ARHGAP23: variants seen among roughly 807,000 people sequenced by gnomAD.
ARHGAP23 encodes Rho GTPase activating protein 23, also known as rho GTPase-activating protein 23.
A neutral mutation model predicts 136.3 loss-of-function variants in ARHGAP23; 34 were observed. The ratio of observed to expected loss-of-function variants is 0.25; its 90% confidence interval spans 0.19 to 0.33. The LOEUF is 0.33. ARHGAP23 is among the 10% of genes least tolerant of loss of function. ARHGAP23 has a pLI of 1.00. For missense variants in ARHGAP23, 1,808 were observed against 2,139.0 expected, an observed-to-expected ratio of 0.85 and a Z score of 3.05; for synonymous variants, 832 against 920.5, an observed-to-expected ratio of 0.90 and a Z score of 1.74.
At chr17:38,478,042 A>G (rs7219798) in intron 12 of ARHGAP23, 146 bp downstream of exon 12, 1 of 909,602 alleles carries the variant, frequency 1.1e-6, no homozygotes, top group Non-Finnish European at 1.7e-6. Flanking sequence ...TGTGTCCCCC[A>G]AGGTTTCGGG....
At chr17:38,499,663 C>T (rs1375665792) in intron 22 of ARHGAP23, among the ~76,000 whole-genome samples, 6 of 152,148 alleles carry the variant, frequency 3.9e-5, no homozygotes, top group Non-Finnish European at 5.9e-5. Flanking sequence ...TCTAATCACC[C>T]GCCGCCCCCC....
chr17:38,443,430 G>A (rs2038962169), intron 1 of ARHGAP23, among the ~76,000 whole-genome samples: 2 of 152,208 alleles, frequency 1.3e-5, no homozygotes, highest in Admixed American at 1.3e-4. Flanking sequence ...CAGGCAAACT[G>A]GCAGGGGGAG....
chr17:38,510,756 C>G lies in ARHGAP23; in HGVS notation c.4260C>G (p.Asn1420Lys). Residue 1420 changes from asparagine (N) to lysine (K), a missense_variant, in exon 24 of 24, where the codon AAC becomes AAG. Physicochemically the swap from Asn to Lys is moderately conservative, Grantham distance 94. Coordinates refer to ENST00000622683, the MANE Select transcript of ARHGAP23 (RefSeq NM_001199417.2). The surrounding 1 kb of genome is among the most constrained non-coding windows in gnomAD (Gnocchi z 4.6). Reference protein sequence around the residue: ...VQSPLTDLNFNEWKELGGGGP... With the variant: ...VQSPLTDLNFKEWKELGGGGP... The stretch of plus-strand genomic sequence containing the variant: ...GCCCGCTGACTGACCTCAACTTCAA[C>G]GAGTGGAAGGAGCTGGGCGGAGGGG... 1 of 1,486,038 alleles carries G rather than the reference C, an allele frequency of 6.7e-7. No homozygotes were observed. The highest frequency in any genetic ancestry group is 8.9e-7 in the Non-Finnish European group (1 of 1,120,972). 92.1% of individuals were successfully genotyped at this position (1,486,038 alleles called of 1,614,324 possible).
chr17:38,466,543 C>G lies in ARHGAP23; in HGVS notation c.860C>G (p.Ala287Gly). Residue 287 changes from alanine (A) to glycine (G), a missense_variant, in exon 7 of 24, where the codon GCC (alanine) becomes GGC (glycine). By Grantham distance (60) the Ala-to-Gly change is moderately conservative. Transcript: ENST00000622683. Reference sequence around the variant, plus strand: ...CCCAGCAGACTGGAGTGCCAGCAGGCCTTGTCACACTGGCTGTCAAACCAG... The same window carrying G: ...CCCAGCAGACTGGAGTGCCAGCAGGGCTTGTCACACTGGCTGTCAAACCAG... Reference protein sequence around the residue: ...VPPSRLECQQALSHWLSNQVP... With the variant: ...VPPSRLECQQGLSHWLSNQVP... 1 of 1,478,554 alleles carries G rather than the reference C, an allele frequency of 6.8e-7. No homozygotes were observed. The highest frequency in any genetic ancestry group is 1.4e-5 in the African/African-American group (1 of 71,278). The allele number at this position is 1,478,554 out of a possible 1,614,324, so 91.6% of individuals were successfully genotyped here.
chr17:38,501,057 T>C (rs1455932666), intron 23 of ARHGAP23: 2 of 160,424 alleles, frequency 1.2e-5, no homozygotes, highest in African/African-American at 4.8e-5. Context: ...AAAACAGATA[T>C]CCTTTAAGGT....
In ARHGAP23 at chr17:38,464,593, G is replaced by C. The variant is rs57262892; in HGVS notation, c.483+1211G>C. On this transcript the variant is annotated intron_variant, in intron 6 of 23. Coordinates refer to ENST00000622683, the MANE Select transcript of ARHGAP23 (RefSeq NM_001199417.2). The stretch of plus-strand genomic sequence containing the variant: ...TTCCTGGGGAGAGGGAGGAAGGAGG[G>C]GGGGATCTGAGGTGGACTGCTTACC... Among the ~76,000 whole-genome samples the C allele has an allele frequency of 4.4e-3, 668 of 152,336 alleles. 5 individuals carry two copies. The highest frequency in any genetic ancestry group is 0.015 in the African/African-American group (642 of 41,584).
chr17:38,450,022 C>T (rs1438971680), intron 1 of ARHGAP23, among the ~76,000 whole-genome samples: 1 of 152,210 alleles, frequency 6.6e-6, no homozygotes, highest in African/African-American at 2.4e-5. Flanking sequence ...ACCATCCTCT[C>T]CTGTGAGGGA....
chr17:38,460,789 T>C, intron 2 of ARHGAP23, 116 bp from the exon 3 acceptor site: 1 of 1,532,404 alleles, frequency 6.5e-7, no homozygotes, highest in East Asian at 2.4e-5. Flanking sequence ...GCTGGGCTAC[T>C]TGGGAGGAGA....
intron 22 of ARHGAP23, chr17:38,500,299 C>T (rs2040492495): frequency 2.2e-6 from 1 of 457,952 alleles, no homozygotes; most frequent in East Asian, 3.8e-5. Context: ...GGAGAGGAAC[C>T]AGGCTCAAAG....
chr17:38,481,916 T>C (rs1371196940), intron 14 of ARHGAP23, 106 bp from the exon 15 acceptor site: 2 of 1,216,254 alleles, frequency 1.6e-6, no homozygotes, highest in African/African-American at 3.1e-5. Flanking sequence ...ATCTGGTTTC[T>C]TCTCTGATGG....
At chr17:38,428,641 A>G (rs1455767581) in intron 1 of ARHGAP23, 93 bp downstream of exon 1, 7 of 881,534 alleles carry the variant, frequency 7.9e-6, no homozygotes, top group Non-Finnish European at 1.1e-5. Flanking sequence ...CTCGCCCTGC[A>G]CAGCCTGGGG....
intron 1 of ARHGAP23, among the ~76,000 whole-genome samples, chr17:38,435,608 T>G (rs765827758): frequency 1.3e-5 from 2 of 152,154 alleles, no homozygotes; most frequent in Non-Finnish European, 2.9e-5. Flanking sequence ...AATTTTTTGT[T>G]GTTGTTGTTT....
chr17:38,482,288 G>A (rs1051881021), intron 15 of ARHGAP23, 145 bp downstream of exon 15: 233 of 1,409,794 alleles, frequency 1.7e-4, no homozygotes, highest in Middle Eastern at 2.5e-4. Flanking sequence ...GAAGGCCCCC[G>A]CCTGCCCCGG....
chr17:38,467,079 C>T lies in ARHGAP23; in HGVS notation c.1396C>T (p.Pro466Ser). ...ASFPPEASEP[P>S]RVVRPEPSTR... is the part of the protein sequence containing the mutation. ...ATTCCCACCAGAGGCCTCCGAGCCA[C>T]CCAGGGTTGTACGGCCGGAACCCAG... Residue 466 changes from proline (P) to serine (S), a missense_variant, in exon 7 of 24, where the codon CCC becomes TCC. By Grantham distance (74) the Pro-to-Ser change is moderately conservative (BLOSUM62 -1). Transcript: ENST00000622683. The T allele has an allele frequency of 6.4e-7, 1 of 1,550,976 alleles. No individual in the cohort carries two copies. The highest frequency in any genetic ancestry group is 8.7e-7 in the Non-Finnish European group (1 of 1,146,958).
chr17:38,469,119 C>T lies in ARHGAP23; in HGVS notation c.1649-25C>T, dbSNP rs1188467991. On this transcript the variant is annotated intron_variant, in intron 7 of 23. Transcript: ENST00000622683. ...CAGGCTCCGCTGTCTGCTGCCTTCA[C>T]ACCTTTCTCCTTCCACATGCATAGA... 32 of 1,535,294 alleles carry T rather than the reference C, an allele frequency of 2.1e-5. No individual in the cohort carries two copies. The East Asian group carries it at 6.6e-4, about 32-fold the overall frequency.
intron 22 of ARHGAP23, among the ~76,000 whole-genome samples, chr17:38,499,987 G>A (rs1483495322): frequency 1.3e-5 from 2 of 152,136 alleles, no homozygotes; most frequent in African/African-American, 2.4e-5. Context: ...CTGCCCATGA[G>A]GCAGGGTGAC....
Position 38,509,957 on chromosome 17 carries a change from C to G in ARHGAP23, c.3461C>G (p.Pro1154Arg), listed in dbSNP as rs1226412817. The G allele has an allele frequency of 8.0e-7, 1 of 1,250,848 alleles. No individual in the cohort carries two copies. Among genetic ancestry groups the G allele is most frequent in the Non-Finnish European group, 1.0e-6 (1 of 991,884 alleles). 77.5% of individuals were successfully genotyped at this position (1,250,848 alleles called of 1,614,324 possible). A position where few individuals can be genotyped will look rare whatever the true frequency, so the allele number is the denominator to read the frequency against. The part of the protein sequence containing the change: ...SSAKSKGSWA[P>R]KKEPYAREML... ...TCTCCCACACAGGGTTCGTGGGCCCCCAAGAAGGAGCCGTACGCCCGGGAG... is the reference window on the plus strand; with the variant it reads ...TCTCCCACACAGGGTTCGTGGGCCCGCAAGAAGGAGCCGTACGCCCGGGAG... Residue 1154 changes from proline to arginine, a missense_variant, in exon 24 of 24, where the codon CCC becomes CGC. Transcript: ENST00000622683.
chr17:38,510,705 G>T lies in ARHGAP23; in HGVS notation c.4209G>T (p.Trp1403Cys), dbSNP rs2040743143. The T allele has an allele frequency of 1.4e-6, 2 of 1,437,476 alleles. No homozygotes were observed. The highest frequency in any genetic ancestry group is 1.8e-6 in the Non-Finnish European group (2 of 1,102,600). The allele number at this position is 1,437,476 out of a possible 1,614,324, so 89.0% of individuals were successfully genotyped here. ...SPETRRRRSS[W>C]RRHTVVVQSP... The stretch of plus-strand genomic sequence containing the variant: ...AGACCCGGCGGCGCCGGAGCAGCTG[G>T]CGCCGCCACACCGTGGTGGTGCAGA... The change falls in exon 24 of 24, where the codon TGG becomes TGT. Residue 1403 changes from tryptophan to cysteine, a missense_variant. Around this residue, in one of 7 missense-constraint regions of ARHGAP23, gnomAD observed 506 missense variants for 455.8 expected, o/e 1.11. Coordinates refer to ENST00000622683, the MANE Select transcript of ARHGAP23 (RefSeq NM_001199417.2). This position sits in a 1 kb window ranked among gnomAD's most constrained non-coding sequence, Gnocchi z 4.6.
intron 23 of ARHGAP23, 23 bp from the exon 24 acceptor site, chr17:38,509,921 A>C: frequency 8.0e-7 from 1 of 1,246,372 alleles, no homozygotes; most frequent in South Asian, 4.0e-5. Context: ...CGCCCCCCGC[A>C]TCCTGACCTG....
Sources: allele counts gnomAD v4.1 joint callset (sites outside exome capture counted in the v4.1 genomes callset), GRCh38; gene constraint gnomAD v4.1.1; regional missense constraint gnomAD v4.1.1; non-coding constraint Gnocchi (gnomAD v3.1); transcripts MANE v1.5; gene names NCBI Gene and HGNC (gene_info 2026-07-23, HGNC 2026-07-21).